Variants in PRICKLE1 observed in about 807,000 individuals in gnomAD.
PRICKLE1 encodes prickle planar cell polarity protein 1, also known as prickle-like protein 1.
A neutral mutation model predicts 70.2 loss-of-function variants in PRICKLE1; 14 were observed. The observed-to-expected ratio is 0.20, with a 90% CI of 0.13 to 0.31. The LOEUF is 0.31. PRICKLE1 is among the 10% of genes least tolerant of loss of function. The pLI, the probability that PRICKLE1 is intolerant of heterozygous loss-of-function variation, is 1.00. For missense variants in PRICKLE1, 821 were observed against 1,026.2 expected (o/e 0.80, Z 2.73); for synonymous variants, 357 against 379.9 (o/e 0.94, Z 0.70).
intron 1 of PRICKLE1, among the ~76,000 whole-genome samples, chr12:42,502,272 T>C (rs997902896): frequency 1.9e-5 from 2 of 104,070 alleles, no homozygotes; most frequent in Non-Finnish European, 3.6e-5. Flanking sequence ...TATACCTACA[T>C]ATATATATAT....
intron 1 of PRICKLE1, among the ~76,000 whole-genome samples, chr12:42,495,873 G>A (rs1290837513): frequency 1.3e-5 from 2 of 152,218 alleles, no homozygotes; most frequent in African/African-American, 4.8e-5. Context: ...AATTACAGGC[G>A]TGAGCCACTG....
intron 1 of PRICKLE1, among the ~76,000 whole-genome samples, chr12:42,563,819 C>T (rs1265443535): frequency 6.6e-6 from 1 of 150,652 alleles, no homozygotes; most frequent in East Asian, 1.9e-4. Flanking sequence ...GGAGAGTATA[C>T]GATTTGTCAT....
chr12:42,553,082 G>GC (rs992086513), intron 1 of PRICKLE1, among the ~76,000 whole-genome samples: 61 of 152,332 alleles, frequency 4.0e-4, no homozygotes, highest in African/African-American at 1.5e-3. Context: ...CTGGTCTTTG[G>GC]CCTGGGGGTG....
intron 1 of PRICKLE1, among the ~76,000 whole-genome samples, chr12:42,563,201 T>C (rs2120714396): frequency 1.3e-5 from 2 of 151,390 alleles, no homozygotes; most frequent in East Asian, 4.0e-4. Flanking sequence ...AAAATTTTTT[T>C]TGAACAGGAC....
intron 1 of PRICKLE1, among the ~76,000 whole-genome samples, chr12:42,499,107 A>G (rs1306169559): frequency 6.6e-6 from 1 of 152,198 alleles, no homozygotes; most frequent in Non-Finnish European, 1.5e-5. Context: ...TCATTATTAT[A>G]CCTGCTATAA....
At chr12:42,548,903 T>C (rs192909623) in intron 1 of PRICKLE1, among the ~76,000 whole-genome samples, 289 of 152,206 alleles carry the variant, frequency 1.9e-3, no homozygotes, top group African/African-American at 6.6e-3. Context: ...GGTGGATCAG[T>C]TGAGGCCAGG....
rs1479454484 is a variant in PRICKLE1 at position 42,464,086 on chromosome 12, T to C, written c.1639+309A>G. Among the ~76,000 whole-genome samples, 1 of 152,080 alleles carries C rather than the reference T, an allele frequency of 6.6e-6. No homozygotes were observed. The highest frequency in any genetic ancestry group is 1.5e-5 in the Non-Finnish European group (1 of 68,028). On this transcript the variant is annotated intron_variant, in intron 7 of 7. Transcript: ENST00000345127. This position sits in a 1 kb window ranked among gnomAD's most constrained non-coding sequence, Gnocchi z 4.2. ...CTCTGTTGCCCAGGCTGGAGTGCAG[T>C]GGCGCAATCTTGGCTCACTACAACC...
chr12:42,546,682 A>C (rs1940219623), intron 1 of PRICKLE1, among the ~76,000 whole-genome samples: 1 of 152,188 alleles, frequency 6.6e-6, no homozygotes, highest in Non-Finnish European at 1.5e-5. Flanking sequence ...CGAACCTCAG[A>C]GGTGGTGGTT....
At chr12:42,502,367 G>A (rs1228043655) in intron 1 of PRICKLE1, among the ~76,000 whole-genome samples, 2 of 151,144 alleles carry the variant, frequency 1.3e-5, no homozygotes. Context: ...GAGTGCAGTG[G>A]CACGATCAAA....
At chr12:42,497,576 A>G (rs1939229646) in intron 1 of PRICKLE1, among the ~76,000 whole-genome samples, 2 of 151,978 alleles carry the variant, frequency 1.3e-5, no homozygotes. Flanking sequence ...ATTCGATTAA[A>G]TTTGCCATCT....
intron 1 of PRICKLE1, among the ~76,000 whole-genome samples, chr12:42,545,726 T>C (rs957648192): frequency 6.6e-6 from 1 of 152,120 alleles, no homozygotes; most frequent in African/African-American, 2.4e-5. Context: ...GGCATGTGCC[T>C]GTAATCCCAG....
At position 42,469,438 on chromosome 12, in the gene PRICKLE1, G is replaced by T; in HGVS notation, c.384+12C>A. 3 of 1,613,866 alleles carry T rather than the reference G, an allele frequency of 1.9e-6. No individual in the cohort carries two copies. Among genetic ancestry groups the T allele is most frequent in the Non-Finnish European group, 2.5e-6 (3 of 1,180,012 alleles). On this transcript the variant is annotated intron_variant, in intron 4 of 7. Transcript: ENST00000345127. ...CTGCCACAAGCTACGCATCAGAGAA[G>T]GGGCTGCTCACCTGCTCACACACAG...
intron 1 of PRICKLE1, among the ~76,000 whole-genome samples, chr12:42,579,372 A>C (rs1027013319): frequency 6.6e-6 from 1 of 152,198 alleles, no homozygotes; most frequent in African/African-American, 2.4e-5. Context: ...ACAAACAAGG[A>C]GATCTGCTGT....
intron 1 of PRICKLE1, among the ~76,000 whole-genome samples, chr12:42,520,320 C>A (rs1015056742): frequency 6.6e-6 from 1 of 152,058 alleles, no homozygotes; most frequent in African/African-American, 2.4e-5. Context: ...GATGTAAGAC[C>A]GTGGTGGTCA....
chr12:42,503,395 C>A (rs1939351028), intron 1 of PRICKLE1, among the ~76,000 whole-genome samples: 1 of 152,126 alleles, frequency 6.6e-6, no homozygotes, highest in Non-Finnish European at 1.5e-5. Context: ...ACTCATTGTA[C>A]ACAAGGGGAT....
chr12:42,588,684 T>C (rs541404315), intron 1 of PRICKLE1, among the ~76,000 whole-genome samples: 1 of 152,050 alleles, frequency 6.6e-6, no homozygotes, highest in African/African-American at 2.4e-5. Context: ...CCTCCCTCTC[T>C]CCCAACCCCC....
intron 1 of PRICKLE1, among the ~76,000 whole-genome samples, chr12:42,520,084 A>G (rs1162330216): frequency 6.6e-6 from 1 of 152,132 alleles, no homozygotes; most frequent in African/African-American, 2.4e-5. Context: ...GTAATCTTAT[A>G]TGTTCCATTC....
At chr12:42,584,088 A>C (rs1940947987) in intron 1 of PRICKLE1, among the ~76,000 whole-genome samples, 1 of 152,228 alleles carries the variant, frequency 6.6e-6, no homozygotes, top group African/African-American at 2.4e-5. Flanking sequence ...AAGCCCACAG[A>C]GGAGGCAGAT....
chr12:42,571,845 A>C (rs758582188), intron 1 of PRICKLE1, among the ~76,000 whole-genome samples: 4 of 152,214 alleles, frequency 2.6e-5, no homozygotes, highest in Non-Finnish European at 5.9e-5. Context: ...GAAGTCTTGA[A>C]GGACAAAGAC....
Sources: gnomAD v4.1 joint callset for allele counts (sites outside exome capture counted in the v4.1 genomes callset) on GRCh38, gnomAD v4.1.1 for gene constraint, Gnocchi (gnomAD v3.1) non-coding constraint, MANE v1.5 for transcripts, NCBI Gene and HGNC (gene_info 2026-07-23, HGNC 2026-07-21) for gene names.